The following CACNA2D3 variants were observed in gnomAD, a reference collection of about 807,000 sequenced individuals.
The protein encoded by CACNA2D3 is voltage-dependent calcium channel subunit alpha-2/delta-3.
Under a neutral mutation model 160.6 loss-of-function variants are expected in CACNA2D3, and 60 were observed. That is an observed-to-expected ratio of 0.37 (90% CI 0.30 to 0.46). The LOEUF is 0.46. Ranked by LOEUF, CACNA2D3 falls within the 20% of genes least tolerant of loss-of-function variation. CACNA2D3 has a pLI of 1.00. For synonymous variants in CACNA2D3, 558 were observed against 492.9 expected, an observed-to-expected ratio of 1.13 and a Z score of -1.75; for missense variants, 1,205 against 1,365.0, an observed-to-expected ratio of 0.88 and a Z score of 1.85.
intron 2 of CACNA2D3, among the ~76,000 whole-genome samples, chr3:54,218,904 T>A (rs1240785463): frequency 1.3e-5 from 2 of 152,190 alleles, no homozygotes; most frequent in East Asian, 3.9e-4. Flanking sequence ...AAGGACCTTG[T>A]GACTACACTG....
At chr3:54,800,729 G>C (rs759372386) in intron 13 of CACNA2D3, among the ~76,000 whole-genome samples, 1 of 152,156 alleles carries the variant, frequency 6.6e-6, no homozygotes, top group Non-Finnish European at 1.5e-5. Context: ...TCTAGGCAGG[G>C]CTGTACTACT....
At chr3:54,606,519 G>C (rs867676873) in intron 9 of CACNA2D3, among the ~76,000 whole-genome samples, 1 of 152,128 alleles carries the variant, frequency 6.6e-6, no homozygotes, top group Non-Finnish European at 1.5e-5. Flanking sequence ...CTGGCTATTG[G>C]GATGTGGGTT....
intron 2 of CACNA2D3, among the ~76,000 whole-genome samples, chr3:54,295,822 G>A (rs1289707228): frequency 3.9e-5 from 6 of 152,184 alleles, no homozygotes; most frequent in Non-Finnish European, 7.3e-5. Flanking sequence ...ATAAATTTTT[G>A]TAGTTATCTT....
intron 2 of CACNA2D3, among the ~76,000 whole-genome samples, chr3:54,150,192 G>T (rs935229983): frequency 7.9e-5 from 12 of 151,804 alleles, no homozygotes; most frequent in Non-Finnish European, 1.8e-4. Flanking sequence ...TAAAAAAGAT[G>T]AAAAACCCCT....
At chr3:54,373,490 A>G (rs1698960136) in intron 3 of CACNA2D3, among the ~76,000 whole-genome samples, 2 of 152,206 alleles carry the variant, frequency 1.3e-5, no homozygotes, top group South Asian at 4.1e-4. Context: ...CTGCTTTTTA[A>G]GAAAGCATGC....
intron 2 of CACNA2D3, among the ~76,000 whole-genome samples, chr3:54,291,983 T>G (rs1368661959): frequency 6.6e-6 from 1 of 152,186 alleles, no homozygotes; most frequent in African/African-American, 2.4e-5. Context: ...AAAACAACAT[T>G]AGTTTGATGG....
intron 34 of CACNA2D3, 34 bp from the exon 35 acceptor site, chr3:55,018,172 T>G: frequency 2.1e-6 from 3 of 1,408,882 alleles, no homozygotes; most frequent in Non-Finnish European, 3.0e-6. Flanking sequence ...GTGCCTTGCA[T>G]TCTTTACCTT....
At chr3:54,999,879 G>GCT (rs1375888686) in intron 31 of CACNA2D3, among the ~76,000 whole-genome samples, 1 of 152,162 alleles carries the variant, frequency 6.6e-6, no homozygotes, top group African/African-American at 2.4e-5. Context: ...GTCATCCAAG[G>GCT]CTCTACCCAG....
chr3:54,508,571 A>C (rs551776005), intron 5 of CACNA2D3, among the ~76,000 whole-genome samples: 3 of 152,326 alleles, frequency 2.0e-5, no homozygotes, highest in Non-Finnish European at 4.4e-5. Flanking sequence ...CAATCAAAAC[A>C]CTGTTTTCAC....
At chr3:54,491,638 C>T (rs1422264516) in intron 4 of CACNA2D3, among the ~76,000 whole-genome samples, 6 of 152,156 alleles carry the variant, frequency 3.9e-5, no homozygotes, top group Non-Finnish European at 8.8e-5. Context: ...TGAGGGCTTG[C>T]GGGCCATGTC....
chr3:54,660,042 A>G (rs1462180224), intron 11 of CACNA2D3, among the ~76,000 whole-genome samples: 3 of 152,280 alleles, frequency 2.0e-5, no homozygotes, highest in East Asian at 1.9e-4. Context: ...CCCAAAGGGA[A>G]TGATTCCCAA....
chr3:54,537,071 T>C (rs1241236632), intron 5 of CACNA2D3, among the ~76,000 whole-genome samples: 4 of 150,898 alleles, frequency 2.7e-5, no homozygotes, highest in Non-Finnish European at 5.9e-5. Flanking sequence ...TTATCCTCTT[T>C]TTACAGATAA....
chr3:54,995,181 T>G (rs1575427002), intron 31 of CACNA2D3, among the ~76,000 whole-genome samples: 1 of 151,882 alleles, frequency 6.6e-6, no homozygotes, highest in African/African-American at 2.4e-5. Context: ...GCCATGTTGG[T>G]CAGGCTGGTC....
chr3:55,030,532 G>T (rs1703665281), intron 35 of CACNA2D3, among the ~76,000 whole-genome samples: 1 of 152,098 alleles, frequency 6.6e-6, no homozygotes, highest in African/African-American at 2.4e-5. Context: ...AAAAGGGGAG[G>T]AAGAGGTAAA....
At chr3:54,765,402 A>G (rs1702205289) in intron 13 of CACNA2D3, among the ~76,000 whole-genome samples, 4 of 152,228 alleles carry the variant, frequency 2.6e-5, no homozygotes, top group African/African-American at 7.2e-5. Context: ...TTGAATAAAG[A>G]TGAATGTTGA....
At chr3:54,433,704 T>C (rs1700021451) in intron 4 of CACNA2D3, among the ~76,000 whole-genome samples, 1 of 152,152 alleles carries the variant, frequency 6.6e-6, no homozygotes, top group Non-Finnish European at 1.5e-5. Flanking sequence ...TCCTCTGAGT[T>C]TCCTTGTTAC....
intron 11 of CACNA2D3, among the ~76,000 whole-genome samples, chr3:54,742,408 A>T (rs1250115793): frequency 2.0e-5 from 3 of 152,042 alleles, no homozygotes; most frequent in African/African-American, 7.2e-5. Flanking sequence ...GCAGAGTGAG[A>T]CTGTGTCTCA....
In CACNA2D3 at chr3:55,018,190, C is replaced by T. The variant is rs1466925868; in HGVS notation, c.2876-16C>T. ...CCTTGCATTCTTTACCTTTTTTTTTCCCACTATCCCTACAGCCCAGAAATT... is the reference window on the plus strand; with the variant it reads ...CCTTGCATTCTTTACCTTTTTTTTTTCCACTATCCCTACAGCCCAGAAATT... On this transcript the variant is annotated splice_polypyrimidine_tract_variant and intron_variant, in intron 34 of 37. Coordinates refer to ENST00000474759, the MANE Select transcript of CACNA2D3 (RefSeq NM_018398.3). 3 of 1,533,414 alleles carry T rather than the reference C, an allele frequency of 2.0e-6. No homozygotes were observed. Among genetic ancestry groups the T allele is most frequent in the Non-Finnish European group, 2.7e-6 (3 of 1,112,914 alleles). 95.0% of individuals were successfully genotyped at this position (1,533,414 alleles called of 1,614,324 possible).
intron 34 of CACNA2D3, among the ~76,000 whole-genome samples, chr3:55,013,679 G>C (rs993578957): frequency 6.6e-6 from 1 of 152,046 alleles, no homozygotes; most frequent in Non-Finnish European, 1.5e-5. Flanking sequence ...CTTAATGAAG[G>C]GGACTGTGGA....
Sources: allele counts gnomAD v4.1 joint callset (sites outside exome capture counted in the v4.1 genomes callset), GRCh38; gene constraint gnomAD v4.1.1; transcripts MANE v1.5; gene names NCBI Gene and HGNC (gene_info 2026-07-23, HGNC 2026-07-21).